IL36A: variants seen among roughly 807,000 people sequenced by gnomAD.
IL36A encodes interleukin 36 alpha.
In IL36A, 13 loss-of-function variants were observed where a neutral mutation model predicts 12.7. The observed-to-expected ratio is 1.02, with a 90% CI of 0.67 to 1.63. IL36A has a LOEUF of 1.63. IL36A is among the 40% of genes most tolerant of loss of function. The probability of loss-of-function intolerance (pLI) is 0.00; values close to 1 mark genes in which losing one functional copy is unlikely to be tolerated. For synonymous variants in IL36A, 73 were observed against 71.9 expected, an observed-to-expected ratio of 1.01 and a Z score of -0.08; for missense variants, 195 against 192.9, an observed-to-expected ratio of 1.01 and a Z score of -0.07.
chr2:113,006,811 A>G, intron 3 of IL36A, 74 bp downstream of exon 3: 13 of 1,501,764 alleles, frequency 8.7e-6, no homozygotes, highest in Non-Finnish European at 1.2e-5. Flanking sequence ...AAGACAATGT[A>G]CTTATTATGC....
rs1291246140 is a variant in IL36A, at chr2:113,006,051, C to A, written c.88C>A (p.Leu30Ile). The change falls in exon 2 of 4, where the codon CTC becomes ATC. Residue 30 changes from leucine (L) to isoleucine (I), a missense_variant. Coordinates refer to ENST00000259211, the MANE Select transcript of IL36A (RefSeq NM_014440.3). ...GGTGTGGGTTCTTCAGGACCAGACG[C>A]TCATAGCAGTCCCGAGGAAGGACCG... ...HRVWVLQDQTLIAVPRKDRMS... is the reference protein window; with the variant it reads ...HRVWVLQDQTIIAVPRKDRMS... 3 of 1,613,908 alleles carry A rather than the reference C, an allele frequency of 1.9e-6. No individual in the cohort carries two copies. Among genetic ancestry groups the A allele is most frequent in the Non-Finnish European group, 2.5e-6 (3 of 1,179,804 alleles).
At chr2:113,007,809 G>A (rs766667821) in intron 3 of IL36A, 23 bp from the exon 4 acceptor site, 4 of 1,565,992 alleles carry the variant, frequency 2.6e-6, no homozygotes, top group Non-Finnish European at 3.5e-6. Flanking sequence ...GTTTCTTGCT[G>A]GTGTCTCCTT....
At position 113,007,998 on chromosome 2, in the gene IL36A, T is replaced by C. The variant is rs1684663221; in HGVS notation, c.431T>C (p.Leu144Pro). Residue 144 changes from leucine to proline, a missense_variant, in exon 4 of 4, where the codon CTG becomes CCG. Transcript: ENST00000259211. The stretch of plus-strand genomic sequence containing the variant: ...TGTCCTCTCATCCTTACCCAAGAAC[T>C]GGGGAAAGCCAACACTACTGACTTT... The part of the protein sequence containing the change: ...GGCPLILTQE[L>P]GKANTTDFGL... 5 of 1,614,230 alleles carry C rather than the reference T, an allele frequency of 3.1e-6. No individual in the cohort carries two copies. The highest frequency in any genetic ancestry group is 4.2e-6 in the Non-Finnish European group (5 of 1,180,050).
chr2:113,006,303 G>T (rs1484709282), intron 2 of IL36A, among the ~76,000 whole-genome samples: 1 of 152,158 alleles, frequency 6.6e-6, no homozygotes, highest in African/African-American at 2.4e-5. Flanking sequence ...AGACTGAAGG[G>T]TCAGCCTATG....
intron 2 of IL36A, 54 bp downstream of exon 2, chr2:113,006,141 T>C: frequency 8.7e-7 from 1 of 1,147,620 alleles, no homozygotes; most frequent in South Asian, 1.2e-5. Context: ...CTGTTGTGTG[T>C]TTGGTGCTCA....
At chr2:113,010,846 A>G (rs976199267), downstream of IL36A, among the ~76,000 whole-genome samples, 5 of 152,170 alleles carry the variant, frequency 3.3e-5, no homozygotes, top group Non-Finnish European at 1.5e-5. Context: ...TTAAATGAAT[A>G]TTATATGCAT....
rs138706979 is a variant in IL36A, at chr2:113,005,540, A to G, written c.-332A>G. 797 of 465,842 alleles carry G rather than the reference A, an allele frequency of 1.7e-3. 5 individuals carry two copies. Among genetic ancestry groups the G allele is most frequent in the African/African-American group, 0.014 (730 of 51,282 alleles). 28.9% of individuals were successfully genotyped at this position (465,842 alleles called of 1,614,324 possible). A position where few individuals can be genotyped will look rare whatever the true frequency, so the allele number is the denominator to read the frequency against. ...TCGTAACAGATTATCAGTGTGGCCTATGCTGGAAAGTCTGGTGACCTCTGA... is the reference window on the plus strand; with the variant it reads ...TCGTAACAGATTATCAGTGTGGCCTGTGCTGGAAAGTCTGGTGACCTCTGA... On this transcript the variant is annotated 5_prime_UTR_variant, in exon 1 of 4. The change abolishes an upstream ATG in the 5' untranslated region. Transcript: ENST00000259211.
chr2:113,007,791 A>C (rs761745194), intron 3 of IL36A, 41 bp from the exon 4 acceptor site: 18 of 1,472,650 alleles, frequency 1.2e-5, no homozygotes, highest in Non-Finnish European at 1.3e-5. Flanking sequence ...AAACATTCAA[A>C]CAGTTATGTT....
chr2:113,006,612 A>T lies in IL36A; in HGVS notation c.139A>T (p.Ile47Phe). ...DRMSPVTIAL[I>F]SCRHVETLEK... is the part of the protein sequence containing the mutation. ...CGTGTTCCCAGTCACTATTGCCTTA[A>T]TCTCATGCCGACATGTGGAGACCCT... The change falls in exon 3 of 4, where the codon ATC becomes TTC. Residue 47 changes from isoleucine (I) to phenylalanine (F), a missense_variant. By Grantham distance (21) the Ile-to-Phe change is conservative (BLOSUM62 0). Transcript: ENST00000259211. The T allele has an allele frequency of 6.2e-7, 1 of 1,614,062 alleles. No individual in the cohort carries two copies.
Position 113,005,834 on chromosome 2 carries a change from A to G in IL36A, c.-38A>G, listed in dbSNP as rs1255927202. The G allele has an allele frequency of 1.9e-6, 3 of 1,613,202 alleles. No homozygotes were observed. The South Asian group carries it at 3.3e-5, about 18-fold the overall frequency. Reference sequence around the variant, plus strand: ...TTGGGGTCGGTCTGCACATAAAAGGACTCCTATCCTTGGCAGTTCTGAAAC... The same window carrying G: ...TTGGGGTCGGTCTGCACATAAAAGGGCTCCTATCCTTGGCAGTTCTGAAAC... On this transcript the variant is annotated 5_prime_UTR_variant, in exon 1 of 4. Coordinates refer to ENST00000259211, the MANE Select transcript of IL36A (RefSeq NM_014440.3).
chr2:113,008,283 T>C (rs1684669548), downstream of IL36A, among the ~76,000 whole-genome samples: 1 of 151,892 alleles, frequency 6.6e-6, no homozygotes, highest in African/African-American at 2.4e-5. Context: ...ATGGCACCAT[T>C]ACAAAAATAA....
downstream of IL36A, among the ~76,000 whole-genome samples, chr2:113,008,804 T>TTC (rs1684684967): frequency 3.3e-5 from 5 of 151,732 alleles, no homozygotes; most frequent in South Asian, 1.0e-3. Flanking sequence ...TTATGAAGCT[T>TTC]TCTTTTTTTT....
At chr2:113,010,849 A>C (rs1684715049), downstream of IL36A, among the ~76,000 whole-genome samples, 1 of 152,186 alleles carries the variant, frequency 6.6e-6, no homozygotes, top group South Asian at 2.1e-4. Flanking sequence ...AATGAATATT[A>C]TATGCATTGA....
At chr2:113,006,187 A>G in intron 2 of IL36A, 100 bp downstream of exon 2, 1 of 771,164 alleles carries the variant, frequency 1.3e-6, no homozygotes, top group Admixed American at 2.0e-5. Flanking sequence ...AACCGGGCAT[A>G]TCTACAGAGA....
Position 113,005,741 on chromosome 2 carries a change from G to T in IL36A, c.-131G>T. On this transcript the variant is annotated 5_prime_UTR_variant, in exon 1 of 4. Coordinates refer to ENST00000259211, the MANE Select transcript of IL36A (RefSeq NM_014440.3). ...ATAGATTCTGACTGGGGTCACTGCTGGGCTGGCCGCCAGTCTTTCATCTGA... is the reference window on the plus strand; with the variant it reads ...ATAGATTCTGACTGGGGTCACTGCTTGGCTGGCCGCCAGTCTTTCATCTGA... 1.0e-6 allele frequency: 1 copy of T among 983,362 alleles called. No individual in the cohort carries two copies. Among genetic ancestry groups the T allele is most frequent in the Non-Finnish European group, 1.6e-6 (1 of 608,488 alleles). 60.9% of individuals were successfully genotyped at this position (983,362 alleles called of 1,614,324 possible).
At chr2:113,008,119 G>GA, downstream of IL36A, 1 of 1,255,838 alleles carries the variant, frequency 8.0e-7, no homozygotes, top group Non-Finnish European at 1.1e-6. Context: ...TGGGCAGGGA[G>GA]AATTTGTTAT....
At chr2:113,007,158 T>C (rs1051303725) in intron 3 of IL36A, among the ~76,000 whole-genome samples, 2 of 152,198 alleles carry the variant, frequency 1.3e-5, no homozygotes, top group African/African-American at 2.4e-5. Context: ...AAAAAGATAA[T>C]TATAGCAGGC....
downstream of IL36A, among the ~76,000 whole-genome samples, chr2:113,010,704 A>G (rs1001464101): frequency 2.0e-5 from 3 of 152,218 alleles, no homozygotes; most frequent in African/African-American, 7.2e-5. Flanking sequence ...CTTGAGATAC[A>G]TCCTATAATT....
chr2:113,006,771 G>A (rs1328290620), intron 3 of IL36A, 34 bp downstream of exon 3: 1 of 1,605,668 alleles, frequency 6.2e-7, no homozygotes, highest in Non-Finnish European at 8.5e-7. Context: ...CCATTTATTT[G>A]ATGGAAACTC....
Sources: gnomAD v4.1 joint callset for allele counts (sites outside exome capture counted in the v4.1 genomes callset) on GRCh38, gnomAD v4.1.1 for gene constraint, MANE v1.5 for transcripts, NCBI Gene and HGNC (gene_info 2026-07-23, HGNC 2026-07-21) for gene names.